PCSK2: variants seen among roughly 807,000 people sequenced by gnomAD.
PCSK2 encodes the protein neuroendocrine convertase 2.
A neutral mutation model predicts 69.7 loss-of-function variants in PCSK2; 14 were observed. That is an observed-to-expected ratio of 0.20 (90% CI 0.13 to 0.31). PCSK2 has a LOEUF of 0.31. PCSK2 is among the 10% of genes least tolerant of loss of function. The probability of loss-of-function intolerance (pLI) is 1.00; values close to 1 mark genes in which losing one functional copy is unlikely to be tolerated. For synonymous variants in PCSK2, 307 were observed against 320.7 expected (o/e 0.96, Z 0.46); for missense variants, 544 against 842.5 (o/e 0.65, Z 4.39).
At chr20:17,403,363 AC>A (rs1190318222) in intron 5 of PCSK2, among the ~76,000 whole-genome samples, 1 of 152,226 alleles carries the variant, frequency 6.6e-6, no homozygotes, top group African/African-American at 2.4e-5. Context: ...TTATCGTTAA[AC>A]CAGTGCATGT....
chr20:17,296,575 A>G (rs982960436), intron 2 of PCSK2, among the ~76,000 whole-genome samples: 1 of 152,054 alleles, frequency 6.6e-6, no homozygotes, highest in Admixed American at 6.5e-5. Flanking sequence ...TCTGTTGCAT[A>G]TTTTATCCTA....
At chr20:17,314,136 A>C (rs1187139683) in intron 2 of PCSK2, among the ~76,000 whole-genome samples, 1 of 151,998 alleles carries the variant, frequency 6.6e-6, no homozygotes, top group Non-Finnish European at 1.5e-5. Context: ...GCAACCAAAA[A>C]CTGAGCAATT....
At chr20:17,399,492 A>G (rs1444536211) in intron 5 of PCSK2, among the ~76,000 whole-genome samples, 4 of 152,236 alleles carry the variant, frequency 2.6e-5, no homozygotes, top group African/African-American at 4.8e-5. Context: ...TTGACAGTCA[A>G]AATAAATGCA....
chr20:17,351,032 T>C (rs1217493201), intron 2 of PCSK2, among the ~76,000 whole-genome samples: 2 of 135,426 alleles, frequency 1.5e-5, no homozygotes, highest in Non-Finnish European at 3.2e-5. Flanking sequence ...AGAGCAAGAC[T>C]TCATCTAAAA....
chr20:17,432,641 G>A (rs2032391707), intron 7 of PCSK2, among the ~76,000 whole-genome samples: 1 of 152,158 alleles, frequency 6.6e-6, no homozygotes, highest in Admixed American at 6.5e-5. Context: ...AAAATTAAGT[G>A]TGTTATTCAA....
chr20:17,237,415 C>T (rs1233114254), intron 1 of PCSK2, among the ~76,000 whole-genome samples: 1 of 152,126 alleles, frequency 6.6e-6, no homozygotes, highest in Non-Finnish European at 1.5e-5. Flanking sequence ...AAGCGAAGTC[C>T]TAGGACAAAA....
At position 17,453,707 on chromosome 20, in the gene PCSK2, G is replaced by C; in HGVS notation, c.886-35G>C. 1 of 1,607,586 alleles carries C rather than the reference G, an allele frequency of 6.2e-7. No individual in the cohort carries two copies. The highest frequency in any genetic ancestry group is 8.5e-7 in the Non-Finnish European group (1 of 1,178,030). On this transcript the variant is annotated intron_variant, in intron 8 of 11. Transcript: ENST00000262545. This position sits in a 1 kb window ranked among gnomAD's most constrained non-coding sequence, Gnocchi z 4.0. ...CCCCTGCCCCCTCGCAGCCCAGGCTGTGGGTAGCGGCAGCGTCTCCCCTGC... is the reference window on the plus strand; with the variant it reads ...CCCCTGCCCCCTCGCAGCCCAGGCTCTGGGTAGCGGCAGCGTCTCCCCTGC...
intron 2 of PCSK2, 63 bp from the exon 3 acceptor site, chr20:17,358,264 C>T: frequency 1.9e-6 from 2 of 1,060,856 alleles, no homozygotes; most frequent in South Asian, 2.6e-5. Context: ...TTCATGGAAA[C>T]AAATTCCAGA....
intron 1 of PCSK2, among the ~76,000 whole-genome samples, chr20:17,254,373 G>GTGGT (rs1386531947): frequency 6.6e-6 from 1 of 152,124 alleles, no homozygotes; most frequent in African/African-American, 2.4e-5. Context: ...AATTTTGCAT[G>GTGGT]TGGTATGAGA....
chr20:17,297,835 C>G (rs1042851226), intron 2 of PCSK2, among the ~76,000 whole-genome samples: 2 of 152,064 alleles, frequency 1.3e-5, no homozygotes, highest in Admixed American at 1.3e-4. Flanking sequence ...TTTTGCCTTC[C>G]TATGTCAGTT....
chr20:17,345,131 C>A (rs1273451346), intron 2 of PCSK2, among the ~76,000 whole-genome samples: 1 of 152,120 alleles, frequency 6.6e-6, no homozygotes, highest in East Asian at 1.9e-4. Flanking sequence ...AAGCTTAACC[C>A]TTCATGGCAG....
intron 2 of PCSK2, among the ~76,000 whole-genome samples, chr20:17,305,767 G>T (rs2123101729): frequency 6.6e-6 from 1 of 152,246 alleles, no homozygotes; most frequent in South Asian, 2.1e-4. Flanking sequence ...ATCAATCATA[G>T]TAGGCACTCA....
rs529582258 is a variant in PCSK2 at position 17,268,255 on chromosome 20, T to A, written c.282+7911T>A. 7.9e-5 allele frequency among the ~76,000 whole-genome samples: 12 copies of A among 151,666 alleles called. No homozygotes were observed. In the East Asian group the frequency reaches 2.3e-3, roughly 30 times the overall value. ...AAATATAACAGTGAACAAGACAAAG[T>A]CCTCCTCCCAGGGGGCTTGTATACT... On this transcript the variant is annotated intron_variant, in intron 2 of 11. Coordinates refer to ENST00000262545, the MANE Select transcript of PCSK2 (RefSeq NM_002594.5).
intron 5 of PCSK2, among the ~76,000 whole-genome samples, chr20:17,397,330 C>T (rs953857554): frequency 7.9e-5 from 12 of 152,246 alleles, no homozygotes; most frequent in Admixed American, 3.3e-4. Flanking sequence ...TTGAAATAAA[C>T]GTTAAGCAGC....
intron 5 of PCSK2, among the ~76,000 whole-genome samples, chr20:17,375,445 T>C (rs2030896242): frequency 1.3e-5 from 2 of 152,158 alleles, no homozygotes; most frequent in African/African-American, 4.8e-5. Context: ...TGGCCAGGGA[T>C]GTAATGAAGG....
chr20:17,427,019 G>C (rs2032262259), intron 6 of PCSK2, among the ~76,000 whole-genome samples: 1 of 152,246 alleles, frequency 6.6e-6, no homozygotes, highest in African/African-American at 2.4e-5. Flanking sequence ...TCATGGTTAA[G>C]AGCAGGGCTT....
At chr20:17,465,132 T>A in intron 10 of PCSK2, 194 bp from the exon 11 acceptor site, 1 of 598,514 alleles carries the variant, frequency 1.7e-6, no homozygotes, top group East Asian at 2.8e-5. Flanking sequence ...GCAAGAAGAT[T>A]TCTTTAATTG....
chr20:17,453,396 C>T lies in PCSK2; in HGVS notation c.886-346C>T, dbSNP rs545146515. 1.3e-5 allele frequency among the ~76,000 whole-genome samples: 2 copies of T among 152,162 alleles called. No individual in the cohort carries two copies. Among genetic ancestry groups the T allele is most frequent in the South Asian group, 2.1e-4 (1 of 4,816 alleles). ...CTCTAGAGAGTTGTTTTTTATTTTC[C>T]TTTCCATACAGTTAGACTTTTCATT... On this transcript the variant is annotated intron_variant, in intron 8 of 11. Transcript: ENST00000262545. The surrounding 1 kb of genome is among the most constrained non-coding windows in gnomAD (Gnocchi z 4.0).
At chr20:17,243,712 C>T (rs971259097) in intron 1 of PCSK2, among the ~76,000 whole-genome samples, 2 of 152,138 alleles carry the variant, frequency 1.3e-5, no homozygotes, top group Non-Finnish European at 2.9e-5. Context: ...CTGTGAACAG[C>T]GCATCAAGAA....
Sources: allele counts gnomAD v4.1 joint callset (sites outside exome capture counted in the v4.1 genomes callset), GRCh38; gene constraint gnomAD v4.1.1; non-coding constraint Gnocchi (gnomAD v3.1); transcripts MANE v1.5; gene names NCBI Gene and HGNC (gene_info 2026-07-23, HGNC 2026-07-21).